The following TJP1 variants were observed in gnomAD, a reference collection of about 807,000 sequenced individuals.
TJP1 encodes the protein tight junction protein ZO-1.
A neutral mutation model predicts 194.2 loss-of-function variants in TJP1; 43 were observed. The ratio of observed to expected loss-of-function variants is 0.22; its 90% CI spans 0.17 to 0.29. The LOEUF is 0.29. TJP1 is among the 10% of genes least tolerant of loss of function. The pLI is 1.00. For synonymous variants in TJP1, 801 were observed against 779.0 expected, an observed-to-expected ratio of 1.03 and a Z score of -0.47; for missense variants, 1,971 against 2,185.7, an observed-to-expected ratio of 0.90 and a Z score of 1.96.
chr15:29,835,533 C>T (rs555366246), intron 2 of TJP1, among the ~76,000 whole-genome samples: 3 of 152,118 alleles, frequency 2.0e-5, no homozygotes, highest in East Asian at 3.9e-4. Flanking sequence ...GCCTGTAGTC[C>T]CAGCTACTGG....
At chr15:29,969,003 C>CCCG (rs1023789998), upstream of TJP1, 5 of 147,300 alleles carry the variant, frequency 3.4e-5, no homozygotes, top group East Asian at 2.0e-4. Flanking sequence ...GCCCGCAGCT[C>CCCG]CCGCCGCCGC....
chr15:29,950,160 C>T (rs1389570213), intron 2 of TJP1, among the ~76,000 whole-genome samples: 1 of 118,210 alleles, frequency 8.5e-6, no homozygotes, highest in Non-Finnish European at 1.8e-5. Context: ...ACCTCCACCA[C>T]CACCACAACC....
chr15:29,849,252 T>G (rs1373350219), intron 2 of TJP1, among the ~76,000 whole-genome samples: 1 of 152,126 alleles, frequency 6.6e-6, no homozygotes, highest in African/African-American at 2.4e-5. Flanking sequence ...TATAGTTACA[T>G]GTATGTTTGT....
At chr15:29,817,471 C>A (rs1244904723) in intron 1 of TJP1, among the ~76,000 whole-genome samples, 1 of 152,138 alleles carries the variant, frequency 6.6e-6, no homozygotes, top group African/African-American at 2.4e-5. Context: ...ACCCAGTAAT[C>A]CCATTACTGG....
At chr15:29,742,478 T>G (rs2044487500) in intron 9 of TJP1, among the ~76,000 whole-genome samples, 164 bp downstream of exon 9, 1 of 152,206 alleles carries the variant, frequency 6.6e-6, no homozygotes, top group African/African-American at 2.4e-5. Context: ...GGCAACTGAT[T>G]TGTGCCAACC....
intron 2 of TJP1, among the ~76,000 whole-genome samples, chr15:29,842,088 G>T (rs764015497): frequency 1.3e-5 from 2 of 152,132 alleles, no homozygotes; most frequent in African/African-American, 4.8e-5. Context: ...TCCAGATACA[G>T]TAAGTCCTCA....
rs758322057 is a variant in TJP1, at chr15:29,701,686, T to C, written c.5216A>G (p.Asp1739Gly). 6.2e-7 allele frequency: 1 copy of C among 1,613,552 alleles called. No homozygotes were observed. Among genetic ancestry groups the C allele is most frequent in the South Asian group, 1.1e-5 (1 of 91,068 alleles). Residue 1739 changes from aspartate to glycine, a missense_variant, in exon 28 of 28, where the codon GAT becomes GGT. Coordinates refer to ENST00000614355, the MANE Select transcript of TJP1 (RefSeq NM_001330239.4). The part of the protein sequence containing the change: ...ALKSSDSSSG[D>G]PKTWQNKCLP... ...ACACTTGTTTTGCCAGGTTTTAGGA[T>C]CACCTATGAGAGAAAAGAAGTTGAT...
At chr15:29,964,412 T>TA (rs11440730) in intron 1 of TJP1, among the ~76,000 whole-genome samples, 145,136 of 151,964 alleles carry the variant, frequency 0.96, 69,423 homozygotes, top group East Asian at 0.99. Flanking sequence ...TTTAGTCTTT[T>TA]AAAAAAAGAG....
intron 2 of TJP1, among the ~76,000 whole-genome samples, chr15:29,949,421 T>A (rs1225259070): frequency 1.6e-5 from 2 of 125,948 alleles, no homozygotes; most frequent in African/African-American, 6.0e-5. Flanking sequence ...CACCTCTACC[T>A]CCACAACCAC....
At chr15:29,797,255 T>TTC (rs1312517508) in intron 2 of TJP1, among the ~76,000 whole-genome samples, 2 of 152,188 alleles carry the variant, frequency 1.3e-5, no homozygotes, top group Non-Finnish European at 2.9e-5. Flanking sequence ...GCTCAAGCGA[T>TTC]TCTCCTGCCT....
intron 2 of TJP1, among the ~76,000 whole-genome samples, chr15:29,838,745 T>C (rs531808489): frequency 2.1e-4 from 32 of 152,170 alleles, no homozygotes; most frequent in African/African-American, 7.0e-4. Flanking sequence ...GACTCTCTCA[T>C]GTTACTCCTT....
At chr15:29,723,637 T>A (rs1022396602) in intron 18 of TJP1, among the ~76,000 whole-genome samples, 3 of 152,226 alleles carry the variant, frequency 2.0e-5, no homozygotes, top group Non-Finnish European at 2.9e-5. Context: ...TGGAAAATCA[T>A]CACCTACATG....
intron 5 of TJP1, among the ~76,000 whole-genome samples, chr15:29,765,008 T>C (rs2046244775): frequency 6.6e-6 from 1 of 152,084 alleles, no homozygotes; most frequent in South Asian, 2.1e-4. Flanking sequence ...GACAGAACGT[T>C]ATAAAGGGCA....
At chr15:29,796,242 A>G (rs749886166) in intron 2 of TJP1, among the ~76,000 whole-genome samples, 7 of 152,054 alleles carry the variant, frequency 4.6e-5, no homozygotes, top group Non-Finnish European at 1.0e-4. Flanking sequence ...AACTGCCTCT[A>G]TACACAGATG....
intron 8 of TJP1, among the ~76,000 whole-genome samples, chr15:29,744,705 A>C (rs1281131107): frequency 2.6e-5 from 4 of 152,260 alleles, no homozygotes; most frequent in East Asian, 3.9e-4. Flanking sequence ...TTAAAAAAAA[A>C]CTTTATTTCC....
intron 2 of TJP1, among the ~76,000 whole-genome samples, chr15:29,896,227 T>G (rs1011021225): frequency 6.6e-6 from 1 of 152,196 alleles, no homozygotes; most frequent in Non-Finnish European, 1.5e-5. Flanking sequence ...GGGAGGTGAT[T>G]GAATGATGGG....
chr15:29,779,024 T>C (rs2047188442), intron 2 of TJP1, among the ~76,000 whole-genome samples: 1 of 152,210 alleles, frequency 6.6e-6, no homozygotes, highest in African/African-American at 2.4e-5. Flanking sequence ...TACTTCTAGT[T>C]GATCTATTTT....
chr15:29,864,314 G>A lies in TJP1; in HGVS notation c.307-63612C>T, dbSNP rs547022502. 1.2e-4 allele frequency among the ~76,000 whole-genome samples: 18 copies of A among 150,846 alleles called. 1 individual carries two copies. The South Asian group carries it at 3.8e-3, about 32-fold the overall frequency. On this transcript the variant is annotated intron_variant, in intron 2 of 28. Transcript: ENST00000356107. ...TAATCCCAGCTACTTGGGAGGCTGA[G>A]GAAGGAGAATTGGGTGAACCCGGGA...
At chr15:29,724,301 G>A (rs2043112806) in intron 18 of TJP1, among the ~76,000 whole-genome samples, 1 of 152,206 alleles carries the variant, frequency 6.6e-6, no homozygotes, top group African/African-American at 2.4e-5. Flanking sequence ...TATCCTGTTA[G>A]AGCACAATCC....
Sources: gnomAD v4.1 joint callset for allele counts (sites outside exome capture counted in the v4.1 genomes callset) on GRCh38, gnomAD v4.1.1 for gene constraint, MANE v1.5 for transcripts, NCBI Gene and HGNC (gene_info 2026-07-23, HGNC 2026-07-21) for gene names.